CDIN1: variants seen among roughly 807,000 people sequenced by gnomAD.
CDIN1 encodes CDAN1 interacting nuclease 1.
Under a neutral mutation model 45.3 loss-of-function variants are expected in CDIN1, and 33 were observed. The observed-to-expected ratio is 0.73, with a 90% CI of 0.55 to 0.97. CDIN1 has a LOEUF of 0.97. Ranked by LOEUF, CDIN1 falls within the 50% of genes least tolerant of loss-of-function variation. The probability of loss-of-function intolerance (pLI) is 0.00; values close to 1 mark genes in which losing one functional copy is unlikely to be tolerated. For synonymous variants in CDIN1, 118 were observed against 124.4 expected, an observed-to-expected ratio of 0.95 and a Z score of 0.34; for missense variants, 303 against 339.4, an observed-to-expected ratio of 0.89 and a Z score of 0.84.
chr15:36,721,709 T>TATGTAAAGACTTTAC (rs1361077363), intron 10 of CDIN1, among the ~76,000 whole-genome samples: 1 of 152,138 alleles, frequency 6.6e-6, no homozygotes, highest in African/African-American at 2.4e-5. Context: ...TGTCTTTACA[T>TATGTAAAGACTTTAC]ATATGCACTT....
At chr15:36,732,211 C>T (rs1160774980) in intron 10 of CDIN1, among the ~76,000 whole-genome samples, 2 of 152,048 alleles carry the variant, frequency 1.3e-5, no homozygotes, top group Non-Finnish European at 2.9e-5. Context: ...GCACTTTCTT[C>T]AACAGTGACG....
rs149729093 is a variant in CDIN1 at position 36,797,160 on chromosome 15, A to G, written c.717-11164A>G. On this transcript the variant is annotated intron_variant, in intron 10 of 10. Transcript: ENST00000566621. ...TTGTAGAGATGGCAGTTGTGGTTCA[A>G]TGAGTGCAAATCCATGTGTCATATA... 9.8e-4 allele frequency among the ~76,000 whole-genome samples: 149 copies of G among 152,288 alleles called. 1 individual carries two copies. Among genetic ancestry groups the G allele is most frequent in the African/African-American group, 3.2e-3 (134 of 41,576 alleles).
chr15:36,792,137 T>G (rs2054661391), intron 10 of CDIN1, among the ~76,000 whole-genome samples: 1 of 152,170 alleles, frequency 6.6e-6, no homozygotes, highest in Non-Finnish European at 1.5e-5. Context: ...TAAAATAACC[T>G]TCTAACTCCT....
intron 1 of CDIN1, among the ~76,000 whole-genome samples, chr15:36,594,236 A>C (rs991682422): frequency 1.3e-5 from 2 of 152,214 alleles, no homozygotes; most frequent in Non-Finnish European, 2.9e-5. Context: ...ATTTGAATAA[A>C]AGTATTAAAA....
chr15:36,634,086 G>A (rs888265534), intron 1 of CDIN1, among the ~76,000 whole-genome samples: 1 of 151,906 alleles, frequency 6.6e-6, no homozygotes, highest in Non-Finnish European at 1.5e-5. Flanking sequence ...TCACAATTCT[G>A]TGTTTAGTCA....
In CDIN1 at chr15:36,800,909, G is replaced by GTA. The variant is rs370036091; in HGVS notation, c.717-7381_717-7380dup. 7.6e-3 allele frequency among the ~76,000 whole-genome samples: 169 copies of GTA among 22,372 alleles called. 6 individuals are homozygous for GTA. Among genetic ancestry groups the GTA allele is most frequent in the African/African-American group, 0.01 (117 of 11,168 alleles). The allele number at this position is 22,372 out of a possible 152,430, so 14.7% of individuals were successfully genotyped here. A position where few individuals can be genotyped will look rare whatever the true frequency, so the allele number is the denominator to read the frequency against. On this transcript the variant is annotated intron_variant, in intron 10 of 10. Coordinates refer to ENST00000566621, the MANE Select transcript of CDIN1 (RefSeq NM_001321759.2). ...TGTGTGTGTGTGTGTGTGTGTGTGT[G>GTA]TATATATATATATATATATATATAT...
intron 10 of CDIN1, among the ~76,000 whole-genome samples, chr15:36,777,972 TG>T (rs1199158195): frequency 5.9e-5 from 9 of 152,220 alleles, no homozygotes; most frequent in South Asian, 2.1e-4. Flanking sequence ...CTGCTGGAAT[TG>T]GTAGCCTCTG....
At position 36,692,089 on chromosome 15, in the gene CDIN1, C is replaced by T. The variant is rs375983035; in HGVS notation, c.427-37C>T. The T allele has an allele frequency of 2.4e-5, 39 of 1,601,814 alleles. No homozygotes were observed. In the East Asian group the frequency reaches 3.1e-4, roughly 13 times the overall value. Reference sequence around the variant, plus strand: ...TGTTTACTGTAATAGTTTTTGTAGCCGCCCCACCCCAGACCCCTTTTCTTA... The same window carrying T: ...TGTTTACTGTAATAGTTTTTGTAGCTGCCCCACCCCAGACCCCTTTTCTTA... On this transcript the variant is annotated intron_variant, in intron 6 of 10. Transcript: ENST00000566621.
At chr15:36,766,292 T>C (rs549243940) in intron 10 of CDIN1, among the ~76,000 whole-genome samples, 2 of 152,368 alleles carry the variant, frequency 1.3e-5, no homozygotes, top group South Asian at 2.1e-4. Context: ...ACGTATTCTT[T>C]ATCCAGTCAG....
chr15:36,600,366 G>T (rs1300033804), intron 1 of CDIN1, among the ~76,000 whole-genome samples: 1 of 152,176 alleles, frequency 6.6e-6, no homozygotes, highest in East Asian at 1.9e-4. Flanking sequence ...TGAAGGCGGG[G>T]TGCAATATGG....
intron 5 of CDIN1, among the ~76,000 whole-genome samples, chr15:36,676,759 G>T (rs2041664135): frequency 6.6e-6 from 1 of 152,158 alleles, no homozygotes; most frequent in South Asian, 2.1e-4. Flanking sequence ...GAGCCCAGAA[G>T]AGGGCTTCCC....
At chr15:36,639,231 T>C (rs901829330) in intron 1 of CDIN1, among the ~76,000 whole-genome samples, 12 of 152,146 alleles carry the variant, frequency 7.9e-5, no homozygotes, top group Non-Finnish European at 1.6e-4. Context: ...CACATTGGCA[T>C]ATTCAGCTAA....
chr15:36,686,195 T>G (rs1328204445), intron 5 of CDIN1, among the ~76,000 whole-genome samples: 2 of 151,414 alleles, frequency 1.3e-5, no homozygotes, highest in Non-Finnish European at 2.9e-5. Context: ...ATTAAGAAAA[T>G]GTGGCACATA....
intron 10 of CDIN1, among the ~76,000 whole-genome samples, chr15:36,792,608 G>T (rs555132660): frequency 1.3e-5 from 2 of 151,828 alleles, no homozygotes; most frequent in African/African-American, 4.8e-5. Flanking sequence ...GGTGGGGCTG[G>T]GGGGGAGGGT....
intron 10 of CDIN1, among the ~76,000 whole-genome samples, chr15:36,739,129 A>G (rs1377653182): frequency 6.6e-6 from 1 of 152,240 alleles, no homozygotes; most frequent in Admixed American, 6.5e-5. Flanking sequence ...GCAGTGGCTC[A>G]TGCCTATAAT....
chr15:36,636,706 C>T (rs1189206800), intron 1 of CDIN1, among the ~76,000 whole-genome samples: 1 of 152,142 alleles, frequency 6.6e-6, no homozygotes, highest in Non-Finnish European at 1.5e-5. Context: ...AAGAAATATA[C>T]AGACTTAAGA....
chr15:36,757,961 G>T (rs1337751639), intron 10 of CDIN1, among the ~76,000 whole-genome samples: 1 of 151,926 alleles, frequency 6.6e-6, no homozygotes, highest in Non-Finnish European at 1.5e-5. Flanking sequence ...TGTCATAATG[G>T]TTCTTTTTTT....
chr15:36,794,216 G>A (rs910253716), intron 10 of CDIN1, among the ~76,000 whole-genome samples: 83 of 151,942 alleles, frequency 5.5e-4, no homozygotes, highest in African/African-American at 1.6e-3. Flanking sequence ...CCGCCACCAC[G>A]CCTGGCTAAT....
At chr15:36,775,296 T>A (rs1191729272) in intron 10 of CDIN1, among the ~76,000 whole-genome samples, 3 of 152,234 alleles carry the variant, frequency 2.0e-5, no homozygotes, top group Admixed American at 2.0e-4. Flanking sequence ...TGTTAAAATA[T>A]CCCGAAGCAC....
Sources: allele counts gnomAD v4.1 joint callset (sites outside exome capture counted in the v4.1 genomes callset), GRCh38; gene constraint gnomAD v4.1.1; transcripts MANE v1.5; gene names NCBI Gene and HGNC (gene_info 2026-07-23, HGNC 2026-07-21).